Variants in NPSR1 observed in about 807,000 individuals in gnomAD.
NPSR1 encodes neuropeptide S receptor.
In NPSR1, 48 loss-of-function variants were observed where a neutral mutation model predicts 46.9. That is an observed-to-expected ratio of 1.02 (90% confidence interval 0.81 to 1.30). The LOEUF (loss-of-function observed/expected upper bound fraction) is 1.30. Ranked by LOEUF, NPSR1 falls within the 50% of genes most tolerant of loss-of-function variation. The pLI is 0.00. For synonymous variants in NPSR1, 176 were observed against 168.1 expected, an observed-to-expected ratio of 1.05 and a Z score of -0.36; for missense variants, 450 against 449.5, an observed-to-expected ratio of 1.00 and a Z score of -0.01.
intron 8 of NPSR1, among the ~76,000 whole-genome samples, chr7:34,860,494 AATTT>A (rs1001395496): frequency 4.6e-5 from 7 of 151,944 alleles, no homozygotes; most frequent in Admixed American, 4.6e-4. Context: ...TTTTCAACAA[AATTT>A]AGTGAGAAAA....
intron 1 of NPSR1, among the ~76,000 whole-genome samples, chr7:34,660,829 C>T (rs890515457): frequency 2.6e-5 from 4 of 152,112 alleles, no homozygotes; most frequent in Non-Finnish European, 4.4e-5. Context: ...GGGTTGCTTC[C>T]TCCATGAAGC....
Position 34,823,399 on chromosome 7 carries a change from G to GAAAAAAAAAAAAAAAAAAA in NPSR1, c.479-3985_479-3984insAAAAAAAAAAAAAAAAAAA, listed in dbSNP as rs577186339. Reference sequence around the variant, plus strand: ...TTGGCAACAGAGCAAGACTTCACCAGAAAAAAAAAAAAAAAAACAACACCA... The same window carrying GAAAAAAAAAAAAAAAAAAA: ...TTGGCAACAGAGCAAGACTTCACCAGAAAAAAAAAAAAAAAAAAAAAAAAAAAAAAAAAAAACAACACCA... On this transcript the variant is annotated intron_variant, in intron 4 of 8. Coordinates refer to ENST00000360581, the MANE Select transcript of NPSR1 (RefSeq NM_207172.2). 3.1e-3 allele frequency among the ~76,000 whole-genome samples: 211 copies of GAAAAAAAAAAAAAAAAAAA among 67,916 alleles called. 7 individuals carry two copies. The highest frequency in any genetic ancestry group is 8.5e-3 in the Middle Eastern group (1 of 118). The allele number at this position is 67,916 out of a possible 152,430, so 44.6% of individuals were successfully genotyped here.
intron 2 of NPSR1, among the ~76,000 whole-genome samples, chr7:34,756,496 T>C (rs541470982): frequency 6.6e-6 from 1 of 152,314 alleles, no homozygotes; most frequent in East Asian, 1.9e-4. Context: ...ATTAAATATT[T>C]TAGGCTTTGC....
chr7:34,838,040 C>T (rs1584126380), intron 6 of NPSR1, among the ~76,000 whole-genome samples: 3 of 152,146 alleles, frequency 2.0e-5, no homozygotes, highest in East Asian at 3.9e-4. Flanking sequence ...CTGCTTGTCC[C>T]TCTGAGCACT....
intron 4 of NPSR1, among the ~76,000 whole-genome samples, chr7:34,825,942 T>C (rs1789813349): frequency 6.6e-6 from 1 of 152,158 alleles, no homozygotes; most frequent in East Asian, 1.9e-4. Context: ...CAAGCCCACC[T>C]AGGGAGAAAA....
intron 2 of NPSR1, among the ~76,000 whole-genome samples, chr7:34,777,835 C>G (rs1475149784): frequency 6.6e-6 from 1 of 152,158 alleles, no homozygotes; most frequent in South Asian, 2.1e-4. Flanking sequence ...GAATTGAGTA[C>G]AGATGACCTG....
chr7:34,706,074 G>A (rs2128699074), intron 2 of NPSR1, among the ~76,000 whole-genome samples: 1 of 151,100 alleles, frequency 6.6e-6, no homozygotes, highest in African/African-American at 2.4e-5. Flanking sequence ...CATAGATGTT[G>A]CTCCATTTAA....
intron 1 of NPSR1, among the ~76,000 whole-genome samples, chr7:34,672,468 CA>C (rs920067364): frequency 2.6e-4 from 39 of 152,270 alleles, no homozygotes; most frequent in African/African-American, 7.5e-4. Context: ...GAAAGTAACG[CA>C]AGTGCAGTCC....
intron 3 of NPSR1, among the ~76,000 whole-genome samples, chr7:34,804,631 C>T (rs1056670286): frequency 6.6e-6 from 1 of 151,786 alleles, no homozygotes; most frequent in Non-Finnish European, 1.5e-5. Flanking sequence ...AAGATGTCCT[C>T]TCTCGCCACT....
chr7:34,679,794 T>G, intron 1 of NPSR1, among the ~76,000 whole-genome samples: 1 of 152,128 alleles, frequency 6.6e-6, no homozygotes, highest in South Asian at 2.1e-4. Flanking sequence ...AAAGGTAAAC[T>G]TTAAAATTAG....
intron 4 of NPSR1, among the ~76,000 whole-genome samples, chr7:34,813,264 A>G (rs1789081768): frequency 1.3e-5 from 2 of 152,190 alleles, no homozygotes; most frequent in Non-Finnish European, 1.5e-5. Flanking sequence ...GTCATTCATG[A>G]TTCTAACTGA....
intron 2 of NPSR1, chr7:34,719,555 AG>A (rs1434524629): frequency 2.0e-5 from 3 of 152,222 alleles, no homozygotes; most frequent in Admixed American, 6.5e-5. Context: ...TGCACTGCTA[AG>A]ACATTTCAGA....
At chr7:34,814,572 A>G (rs1469815086) in intron 4 of NPSR1, among the ~76,000 whole-genome samples, 1 of 152,218 alleles carries the variant, frequency 6.6e-6, no homozygotes, top group Admixed American at 6.5e-5. Context: ...AGCTCTGAGA[A>G]TGGACAGACT....
intron 6 of NPSR1, among the ~76,000 whole-genome samples, chr7:34,836,484 A>C (rs1790375203): frequency 6.6e-6 from 1 of 152,180 alleles, no homozygotes; most frequent in South Asian, 2.1e-4. Context: ...ACTAATGTTG[A>C]GACAACTGCC....
chr7:34,791,829 T>G (rs942309651), intron 3 of NPSR1, among the ~76,000 whole-genome samples: 2 of 152,092 alleles, frequency 1.3e-5, no homozygotes, highest in African/African-American at 4.8e-5. Context: ...CGAAACAGTG[T>G]TGTACTGGCA....
At chr7:34,817,915 T>A (rs1244854623) in intron 4 of NPSR1, among the ~76,000 whole-genome samples, 1 of 152,150 alleles carries the variant, frequency 6.6e-6, no homozygotes, top group Non-Finnish European at 1.5e-5. Flanking sequence ...ATTGAACATA[T>A]CTCAAAATAA....
chr7:34,771,720 T>C (rs756039482), intron 2 of NPSR1, among the ~76,000 whole-genome samples: 2 of 152,150 alleles, frequency 1.3e-5, no homozygotes, highest in Non-Finnish European at 2.9e-5. Flanking sequence ...ACTTCTATAG[T>C]ATGGGTTAAA....
intron 4 of NPSR1, among the ~76,000 whole-genome samples, chr7:34,823,896 T>G (rs1044708422): frequency 3.2e-4 from 48 of 152,340 alleles, no homozygotes; most frequent in African/African-American, 1.1e-3. Flanking sequence ...TGGGAGCTGC[T>G]GGCTGTCTCA....
intron 3 of NPSR1, among the ~76,000 whole-genome samples, chr7:34,780,511 A>G (rs1787183458): frequency 6.6e-6 from 1 of 152,206 alleles, no homozygotes; most frequent in Admixed American, 6.5e-5. Context: ...GGCAAAAAAT[A>G]TCAGAATCAA....
Sources: gnomAD v4.1 joint callset for allele counts (sites outside exome capture counted in the v4.1 genomes callset) on GRCh38, gnomAD v4.1.1 for gene constraint, MANE v1.5 for transcripts, NCBI Gene and HGNC (gene_info 2026-07-23, HGNC 2026-07-21) for gene names.